Variants in SEC61A2 observed in about 807,000 individuals in gnomAD.
The protein encoded by SEC61A2 is SEC61 translocon subunit alpha 2, also known as protein transport protein Sec61 subunit alpha isoform 2.
SEC61A2 carries 28 observed loss-of-function variants against 59.9 expected under a neutral mutation model. The observed-to-expected ratio is 0.47, with a 90% CI of 0.35 to 0.64. The LOEUF is 0.64. SEC61A2 is among the 30% of genes least tolerant of loss of function. SEC61A2 has a pLI of 0.01. For synonymous variants in SEC61A2, 202 were observed against 214.4 expected, an observed-to-expected ratio of 0.94 and a Z score of 0.50; for missense variants, 340 against 585.9, an observed-to-expected ratio of 0.58 and a Z score of 4.33.
rs1446164366 is a variant in SEC61A2 at position 12,152,792 on chromosome 10, C to G, written c.462+2831C>G. Among the ~76,000 whole-genome samples, 1 of 152,104 alleles carries G rather than the reference C, an allele frequency of 6.6e-6. No individual in the cohort carries two copies. The highest frequency in any genetic ancestry group is 6.5e-5 in the Admixed American group (1 of 15,270). On this transcript the variant is annotated intron_variant, in intron 6 of 11. Coordinates refer to ENST00000298428, the MANE Select transcript of SEC61A2 (RefSeq NM_018144.4). This position sits in a 1 kb window ranked among gnomAD's most constrained non-coding sequence, Gnocchi z 5.5. ...CCTGTAGTCCCAGCTATTTGGGAGG[C>G]TGAGGCCGAACCCAGGAGGCGGAGG...
downstream of SEC61A2, among the ~76,000 whole-genome samples, chr10:12,168,246 G>A (rs1394881593): frequency 2.6e-5 from 4 of 152,034 alleles, no homozygotes; most frequent in Admixed American, 6.6e-5. This position sits in a 1 kb window ranked among gnomAD's most constrained non-coding sequence, Gnocchi z 4.8. Flanking sequence ...GGATGGTTTC[G>A]ATCTCCTGAC....
chr10:12,141,882 A>G (rs1407706468), intron 3 of SEC61A2, among the ~76,000 whole-genome samples: 2 of 152,140 alleles, frequency 1.3e-5, no homozygotes, highest in African/African-American at 4.8e-5. Flanking sequence ...TGACCCGCAA[A>G]CACTGAAGGA....
chr10:12,168,931 T>G (rs3740021), downstream of SEC61A2, among the ~76,000 whole-genome samples: 19,978 of 151,870 alleles, frequency 0.13, 1,456 homozygotes, highest in East Asian at 0.19. The surrounding 1 kb of genome is among the most constrained non-coding windows in gnomAD (Gnocchi z 4.8). Flanking sequence ...CCTGGCTAAT[T>G]TTTGTATTTT....
At chr10:12,139,261 C>T (rs1381300995) in intron 3 of SEC61A2, among the ~76,000 whole-genome samples, 1 of 151,194 alleles carries the variant, frequency 6.6e-6, no homozygotes, top group African/African-American at 2.4e-5. Flanking sequence ...CACGCCCGGC[C>T]CTCGGTTGCC....
At chr10:12,140,442 C>G (rs1179930035) in intron 3 of SEC61A2, among the ~76,000 whole-genome samples, 1 of 152,150 alleles carries the variant, frequency 6.6e-6, no homozygotes, top group Admixed American at 6.6e-5. Context: ...ATGGAATTTA[C>G]TAAGTGAAAT....
rs1834071551 is a variant in SEC61A2, at chr10:12,143,552, T to G, written c.220+357T>G. On this transcript the variant is annotated intron_variant, in intron 4 of 11. Coordinates refer to ENST00000298428, the MANE Select transcript of SEC61A2 (RefSeq NM_018144.4). The surrounding 1 kb of genome is among the most constrained non-coding windows in gnomAD (Gnocchi z 4.8). The stretch of plus-strand genomic sequence containing the variant: ...GAGTTTGAGACCAGCCTGGCCAACA[T>G]GGTGAAACCCCGTCTCTACTAAAAA... Among the ~76,000 whole-genome samples, 1 of 152,104 alleles carries G rather than the reference T, an allele frequency of 6.6e-6. No individual in the cohort carries two copies. Among genetic ancestry groups the G allele is most frequent in the South Asian group, 2.1e-4 (1 of 4,824 alleles).
In SEC61A2 at chr10:12,149,615, A is replaced by G. The variant is rs1450128939; in HGVS notation, c.241A>G (p.Ile81Val). The change falls in exon 5 of 12, where the codon ATC becomes GTC. Residue 81 changes from isoleucine to valine, a missense_variant. By Grantham distance (29) the Ile-to-Val change is conservative (BLOSUM62 3). Transcript: ENST00000298428. This position sits in a 1 kb window ranked among gnomAD's most constrained non-coding sequence, Gnocchi z 5.2. ...TCCAGGAACTTTAATGGAATTGGGTATCTCCCCAATTGTAACATCTGGTTT... is the reference window on the plus strand; with the variant it reads ...TCCAGGAACTTTAATGGAATTGGGTGTCTCCCCAATTGTAACATCTGGTTT... ...SNRGTLMELG[I>V]SPIVTSGLIM... 1.2e-6 allele frequency: 2 copies of G among 1,609,380 alleles called. No individual in the cohort carries two copies. Among genetic ancestry groups the G allele is most frequent in the African/African-American group, 1.3e-5 (1 of 74,726 alleles).
intron 1 of SEC61A2, among the ~76,000 whole-genome samples, chr10:12,132,422 T>G (rs1833773859): frequency 6.6e-6 from 1 of 151,952 alleles, no homozygotes; most frequent in South Asian, 2.1e-4. Flanking sequence ...GAGACAAGCT[T>G]GGCCACCATG....
Position 12,158,363 on chromosome 10 carries a change from G to T in SEC61A2, c.975+258G>T. 1 of 415,462 alleles carries T rather than the reference G, an allele frequency of 2.4e-6. No homozygotes were observed. The highest frequency in any genetic ancestry group is 4.3e-6 in the Non-Finnish European group (1 of 231,736). 25.7% of individuals were successfully genotyped at this position (415,462 alleles called of 1,614,324 possible). On this transcript the variant is annotated intron_variant, in intron 9 of 11. Transcript: ENST00000298428. This position sits in a 1 kb window ranked among gnomAD's most constrained non-coding sequence, Gnocchi z 5.7. ...GAATGACCTTTTAAGCTAAAATTGT[G>T]GTTGATTTCATAAAAGTAATTTCCT...
At position 12,136,185 on chromosome 10, in the gene SEC61A2, T is replaced by C. The variant is rs1211892858; in HGVS notation, c.141+15T>C. 6.1e-6 allele frequency: 9 copies of C among 1,473,376 alleles called. No homozygotes were observed. The African/African-American group carries it at 6.9e-5, about 11-fold the overall frequency. The allele number at this position is 1,473,376 out of a possible 1,614,324, so 91.3% of individuals were successfully genotyped here. On this transcript the variant is annotated intron_variant, in intron 3 of 11. Coordinates refer to ENST00000298428, the MANE Select transcript of SEC61A2 (RefSeq NM_018144.4). Reference sequence around the variant, plus strand: ...TGTGTTGTCAGGTATGTAACTATACTATTAAATAAATGTCTGCACCATTGT... The same window carrying C: ...TGTGTTGTCAGGTATGTAACTATACCATTAAATAAATGTCTGCACCATTGT...
chr10:12,158,111 T>A lies in SEC61A2; in HGVS notation c.975+6T>A. ...ATTTACTAGGACAGTGGGCCGTGAGTATTATGTTTATTTACATTATTTATA... is the reference window on the plus strand; with the variant it reads ...ATTTACTAGGACAGTGGGCCGTGAGAATTATGTTTATTTACATTATTTATA... On this transcript the variant is annotated splice_donor_region_variant and intron_variant, in intron 9 of 11. Transcript: ENST00000298428. The surrounding 1 kb of genome is among the most constrained non-coding windows in gnomAD (Gnocchi z 5.7). 1 of 1,593,340 alleles carries A rather than the reference T, an allele frequency of 6.3e-7. No individual in the cohort carries two copies. The highest frequency in any genetic ancestry group is 8.6e-7 in the Non-Finnish European group (1 of 1,161,682).
chr10:12,132,440 C>G (rs1833774099), intron 1 of SEC61A2, among the ~76,000 whole-genome samples: 1 of 151,666 alleles, frequency 6.6e-6, no homozygotes, highest in South Asian at 2.1e-4. Flanking sequence ...ATGGTGAAAT[C>G]CCATCTCTAG....
At chr10:12,146,511 CT>C (rs373065135) in intron 4 of SEC61A2, among the ~76,000 whole-genome samples, 20 of 147,618 alleles carry the variant, frequency 1.4e-4, no homozygotes, top group African/African-American at 1.2e-4. Context: ...TGTTTTTTTC[CT>C]TTTTTTTTTG....
Position 12,156,033 on chromosome 10 carries a change from C to G in SEC61A2, c.616+102C>G, listed in dbSNP as rs577194848. ...ATGCCTAGAGCCGTTCTGGTTTGCT[C>G]TCCTAGGGGATAAGGAATGCGAATT... On this transcript the variant is annotated intron_variant, in intron 7 of 11. Transcript: ENST00000298428. The surrounding 1 kb of genome is among the most constrained non-coding windows in gnomAD (Gnocchi z 5.2). The G allele has an allele frequency of 5.4e-5, 66 of 1,213,324 alleles. No homozygotes were observed. The East Asian group carries it at 1.2e-3, about 21-fold the overall frequency. The allele number at this position is 1,213,324 out of a possible 1,614,324, so 75.2% of individuals were successfully genotyped here.
At chr10:12,168,764 T>A (rs1191784220), downstream of SEC61A2, among the ~76,000 whole-genome samples, 6 of 150,274 alleles carry the variant, frequency 4.0e-5, no homozygotes, top group Non-Finnish European at 7.4e-5. The surrounding 1 kb of genome is among the most constrained non-coding windows in gnomAD (Gnocchi z 4.8). Context: ...CTTTTTTTAA[T>A]TTTTTTTTTA....
downstream of SEC61A2, among the ~76,000 whole-genome samples, chr10:12,168,100 C>T (rs921900804): frequency 2.0e-5 from 3 of 151,908 alleles, no homozygotes; most frequent in South Asian, 2.1e-4. This position sits in a 1 kb window ranked among gnomAD's most constrained non-coding sequence, Gnocchi z 4.8. Flanking sequence ...TCTCGGCTCA[C>T]TGCAACCTCT....
rs777683554 is a variant in SEC61A2, at chr10:12,129,793, C to T, written c.6C>T (p.Gly2=). 3 of 1,464,564 alleles carry T rather than the reference C, an allele frequency of 2.0e-6. No individual in the cohort carries two copies. The highest frequency in any genetic ancestry group is 2.9e-5 in the East Asian group (1 of 34,294). 90.7% of individuals were successfully genotyped at this position (1,464,564 alleles called of 1,614,324 possible). ...GGGCCTCCCCAGCAGCAGCCATGGG[C>T]AGTGAGTAGCGGCGGCTGGAGCGGG... M[G]IKFLEVIKPF... Residue 2 remains glycine, a splice_region_variant and synonymous_variant, in exon 1 of 12, where the codon GGC becomes GGT. Coordinates refer to ENST00000298428, the MANE Select transcript of SEC61A2 (RefSeq NM_018144.4). The surrounding 1 kb of genome is among the most constrained non-coding windows in gnomAD (Gnocchi z 5.6).
rs571987395 is a variant in SEC61A2, at chr10:12,142,588, G to A, written c.142-529G>A. ...CAGGTATAATATTCCATAATCTACTGGTGGGAGTGTTTTTTAAATTGTGGT... is the reference window on the plus strand; with the variant it reads ...CAGGTATAATATTCCATAATCTACTAGTGGGAGTGTTTTTTAAATTGTGGT... On this transcript the variant is annotated intron_variant, in intron 3 of 11. Transcript: ENST00000298428. The surrounding 1 kb of genome is among the most constrained non-coding windows in gnomAD (Gnocchi z 5.4). 12 of 820,528 alleles carry A rather than the reference G, an allele frequency of 1.5e-5. No individual in the cohort carries two copies. Among genetic ancestry groups the A allele is most frequent in the African/African-American group, 1.3e-4 (7 of 53,944 alleles). 50.8% of individuals were successfully genotyped at this position (820,528 alleles called of 1,614,324 possible).
At chr10:12,166,712 A>G (rs763938482), downstream of SEC61A2, 3 of 510,528 alleles carry the variant, frequency 5.9e-6, no homozygotes, top group South Asian at 3.0e-5. Context: ...CAGACTGGAA[A>G]GTCCTGGAAA....
Sources: gnomAD v4.1 joint callset for allele counts (sites outside exome capture counted in the v4.1 genomes callset) on GRCh38, gnomAD v4.1.1 for gene constraint, Gnocchi (gnomAD v3.1) non-coding constraint, MANE v1.5 for transcripts, NCBI Gene and HGNC (gene_info 2026-07-23, HGNC 2026-07-21) for gene names.